MBNL1: variants seen among roughly 807,000 people sequenced by gnomAD.
MBNL1 encodes muscleblind like splicing regulator 1.
A neutral mutation model predicts 42.2 loss-of-function variants in MBNL1; 8 were observed. The ratio of observed to expected loss-of-function variants is 0.19; its 90% confidence interval spans 0.11 to 0.34. The LOEUF is 0.34. Ranked by LOEUF, MBNL1 falls within the 10% of genes least tolerant of loss-of-function variation. The pLI, the probability that MBNL1 is intolerant of heterozygous loss-of-function variation, is 1.00. For synonymous variants in MBNL1, 169 were observed against 173.9 expected (o/e 0.97, Z 0.22); for missense variants, 309 against 495.3 (o/e 0.62, Z 3.57).
chr3:152,250,191 T>C (rs1338453242), intron 2 of MBNL1, among the ~76,000 whole-genome samples: 5 of 151,574 alleles, frequency 3.3e-5, no homozygotes, highest in Admixed American at 2.6e-4. Context: ...TGGCATTGAA[T>C]CTGTAAATTA....
chr3:152,352,143 T>C (rs1300450895), intron 2 of MBNL1, among the ~76,000 whole-genome samples: 1 of 152,234 alleles, frequency 6.6e-6, no homozygotes, highest in East Asian at 1.9e-4. Context: ...TGTTAGCCAG[T>C]TGATTTTATT....
chr3:152,298,008 GT>G, intron 1 of MBNL1, among the ~76,000 whole-genome samples: 1 of 152,262 alleles, frequency 6.6e-6, no homozygotes, highest in Admixed American at 6.5e-5. Flanking sequence ...TTTCCAAATA[GT>G]TTTGGAAAGT....
chr3:152,294,902 A>C (rs1441207550), intron 1 of MBNL1, among the ~76,000 whole-genome samples: 1 of 152,148 alleles, frequency 6.6e-6, no homozygotes, highest in Admixed American at 6.5e-5. Flanking sequence ...TATTTTTTGA[A>C]ATTCTTTTTT....
At chr3:152,370,689 G>T (rs2096620054) in intron 2 of MBNL1, among the ~76,000 whole-genome samples, 1 of 152,004 alleles carries the variant, frequency 6.6e-6, no homozygotes, top group African/African-American at 2.4e-5. Context: ...TTCTGTATAG[G>T]GTGCCTATAT....
rs558344766 is a variant in MBNL1 at position 152,352,180 on chromosome 3, C to A, written c.174+51813C>A. Among the ~76,000 whole-genome samples the A allele has an allele frequency of 1.5e-3, 226 of 152,186 alleles. 2 individuals are homozygous for A. Among genetic ancestry groups the A allele is most frequent in the Admixed American group, 4.2e-3 (64 of 15,298 alleles). ...CTCCTGAAAATACTTTGTTTTATTT[C>A]TCTTCAGAAGGAAAAATAGAAAGAT... On this transcript the variant is annotated intron_variant, in intron 2 of 9. Transcript: ENST00000324210.
chr3:152,373,499 A>G (rs181691400), intron 2 of MBNL1, among the ~76,000 whole-genome samples: 39 of 152,226 alleles, frequency 2.6e-4, no homozygotes, highest in Non-Finnish European at 5.0e-4. Context: ...AAAGCATAGT[A>G]TCTGGGTTGG....
intron 2 of MBNL1, among the ~76,000 whole-genome samples, chr3:152,310,969 CTG>C (rs1271176500): frequency 2.1e-5 from 3 of 140,012 alleles, no homozygotes; most frequent in Non-Finnish European, 4.6e-5. Flanking sequence ...AGTAGTATAA[CTG>C]TTATTTTTCT....
intron 2 of MBNL1, among the ~76,000 whole-genome samples, chr3:152,305,372 C>A (rs946867658): frequency 1.5e-4 from 23 of 152,232 alleles, no homozygotes; most frequent in African/African-American, 5.5e-4. Context: ...TAGAGGATTT[C>A]AGCTATCAAC....
At chr3:152,417,257 A>C (rs1360421584) in intron 3 of MBNL1, among the ~76,000 whole-genome samples, 1 of 152,176 alleles carries the variant, frequency 6.6e-6, no homozygotes, top group African/African-American at 2.4e-5. Flanking sequence ...GAATGGTCAT[A>C]ATCAGCTGCT....
intron 2 of MBNL1, among the ~76,000 whole-genome samples, chr3:152,311,929 G>A (rs1372706321): frequency 6.6e-6 from 1 of 151,526 alleles, no homozygotes; most frequent in Non-Finnish European, 1.5e-5. Context: ...GGTGGCTCAC[G>A]CCTGTAATCC....
chr3:152,355,317 A>G (rs1313464825), intron 2 of MBNL1, among the ~76,000 whole-genome samples: 1 of 152,226 alleles, frequency 6.6e-6, no homozygotes, highest in Non-Finnish European at 1.5e-5. Flanking sequence ...GTATACACAA[A>G]TGCCTAGAGC....
intron 4 of MBNL1, among the ~76,000 whole-genome samples, chr3:152,437,440 T>C (rs1430400765): frequency 1.3e-5 from 2 of 152,202 alleles, no homozygotes; most frequent in East Asian, 1.9e-4. Context: ...GTGATGTTGC[T>C]AATTAGGTGA....
At chr3:152,308,561 T>G (rs1490590285) in intron 2 of MBNL1, among the ~76,000 whole-genome samples, 7 of 152,158 alleles carry the variant, frequency 4.6e-5, no homozygotes, top group Non-Finnish European at 1.0e-4. Flanking sequence ...GTGTAACCTT[T>G]AGGGTGGGAA....
Position 152,438,651 on chromosome 3 carries a change from G to A in MBNL1, c.549+5731G>A, listed in dbSNP as rs551741332. ...CCCCAAAGATTGATTCAGTAGATCT[G>A]CAGTGGGGTTTGATAATATTTTTCT... On this transcript the variant is annotated intron_variant, in intron 4 of 9. Coordinates refer to ENST00000324210, the MANE Select transcript of MBNL1 (RefSeq NM_021038.5). 2.5e-4 allele frequency among the ~76,000 whole-genome samples: 38 copies of A among 152,268 alleles called. No homozygotes were observed. The South Asian group carries it at 7.7e-3, about 31-fold the overall frequency.
intron 2 of MBNL1, among the ~76,000 whole-genome samples, chr3:152,254,644 A>C (rs1271872466): frequency 6.6e-6 from 1 of 152,128 alleles, no homozygotes; most frequent in Non-Finnish European, 1.5e-5. Flanking sequence ...TACATCCAAA[A>C]TATCAAGGTT....
upstream of MBNL1, chr3:152,264,921 T>C (rs937513882): frequency 2.0e-5 from 3 of 152,004 alleles, no homozygotes; most frequent in Admixed American, 6.6e-5. Flanking sequence ...ATATCAAATA[T>C]ATACATAGTA....
Position 152,415,008 on chromosome 3 carries a change from TA to T in MBNL1, c.245del (p.Asn82MetfsTer6). 1 of 1,609,070 alleles carries T rather than the reference TA, an allele frequency of 6.2e-7. No individual in the cohort carries two copies. The highest frequency in any genetic ancestry group is 1.3e-5 in the African/African-American group (1 of 74,692). ...PPPHLKTQLE[I>X]NGRNNLIQQK... is the part of the protein sequence containing the mutation. ...CCACATTTAAAAACGCAGTTGGAGA[TA>T]AATGGACGCAATAACTTGATTCAGC... On this transcript the variant is annotated frameshift_variant, in exon 3 of 10. Coordinates refer to ENST00000324210, the MANE Select transcript of MBNL1 (RefSeq NM_021038.5). LOFTEE classifies it high-confidence loss of function.
intron 2 of MBNL1, among the ~76,000 whole-genome samples, chr3:152,380,362 TG>T (rs1307785454): frequency 3.9e-5 from 6 of 152,232 alleles, no homozygotes; most frequent in African/African-American, 1.4e-4. Context: ...TCTGTTTCCT[TG>T]TATCTAAACT....
chr3:152,432,625 GGATA>G, intron 3 of MBNL1, 88 bp from the exon 4 acceptor site: 1 of 1,109,506 alleles, frequency 9.0e-7, no homozygotes, highest in Non-Finnish European at 1.4e-6. Context: ...AAGGAAGAAT[GGATA>G]GATGGATGGA....
Sources: allele counts gnomAD v4.1 joint callset (sites outside exome capture counted in the v4.1 genomes callset), GRCh38; gene constraint gnomAD v4.1.1; transcripts MANE v1.5; gene names NCBI Gene and HGNC (gene_info 2026-07-23, HGNC 2026-07-21).